Variants in TENM3 observed in about 807,000 individuals in gnomAD.
TENM3 encodes teneurin-3.
TENM3 carries 63 observed loss-of-function variants against 255.1 expected under a neutral mutation model. The ratio of observed to expected loss-of-function variants is 0.25; its 90% CI spans 0.20 to 0.30. TENM3 has a LOEUF of 0.30. TENM3 is among the 10% of genes least tolerant of loss of function. The probability of loss-of-function intolerance (pLI) is 1.00; values close to 1 mark genes in which losing one functional copy is unlikely to be tolerated. For synonymous variants in TENM3, 1,306 were observed against 1,322.3 expected, an observed-to-expected ratio of 0.99 and a Z score of 0.27; for missense variants, 2,929 against 3,461.1, an observed-to-expected ratio of 0.85 and a Z score of 3.86.
At chr4:182,244,097 G>A (rs1283779914) in intron 1 of TENM3, among the ~76,000 whole-genome samples, 1 of 151,676 alleles carries the variant, frequency 6.6e-6, no homozygotes, top group Non-Finnish European at 1.5e-5. Context: ...GGGACTACAG[G>A]CGCCCGCCAC....
the TENM3 span, among the ~76,000 whole-genome samples, chr4:181,728,156 C>T: frequency 7.2e-5 from 11 of 151,972 alleles, no homozygotes; most frequent in Non-Finnish European, 1.2e-4. Context: ...TTAATGAAAA[C>T]GATTATTTCT....
intron 1 of TENM3, among the ~76,000 whole-genome samples, chr4:182,214,094 G>T (rs1348131987): frequency 2.6e-5 from 4 of 151,770 alleles, no homozygotes; most frequent in Non-Finnish European, 2.9e-5. Flanking sequence ...GAACCACCGC[G>T]CCTAGCCAGA....
intron 3 of TENM3, among the ~76,000 whole-genome samples, chr4:182,411,416 G>A (rs1317387034): frequency 6.6e-6 from 1 of 152,162 alleles, no homozygotes; most frequent in Non-Finnish European, 1.5e-5. Flanking sequence ...GAGGACCCAA[G>A]AGGTTCTTAG....
the TENM3 span, among the ~76,000 whole-genome samples, chr4:181,880,792 A>C: frequency 6.6e-6 from 1 of 152,168 alleles, no homozygotes; most frequent in African/African-American, 2.4e-5. Context: ...ATTCCAGTTC[A>C]CCTGGCAAAT....
the TENM3 span, among the ~76,000 whole-genome samples, chr4:181,656,863 T>G: frequency 6.6e-6 from 1 of 152,210 alleles, no homozygotes; most frequent in African/African-American, 2.4e-5. Flanking sequence ...CTAAAATAGA[T>G]TTGAGCTTAG....
At chr4:181,504,283 C>G in the TENM3 span, among the ~76,000 whole-genome samples, 2 of 152,212 alleles carry the variant, frequency 1.3e-5, no homozygotes, top group Non-Finnish European at 2.9e-5. Context: ...TCCGCGTAAG[C>G]CACAGCTCAC....
At chr4:182,742,659 T>A (rs1761696875) in intron 18 of TENM3, among the ~76,000 whole-genome samples, 1 of 152,220 alleles carries the variant, frequency 6.6e-6, no homozygotes, top group South Asian at 2.1e-4. Context: ...TCAATATTGA[T>A]TAACAATGAG....
intron 16 of TENM3, among the ~76,000 whole-genome samples, chr4:182,734,362 A>T (rs1234533223): frequency 6.6e-6 from 1 of 152,196 alleles, no homozygotes; most frequent in Non-Finnish European, 1.5e-5. Flanking sequence ...GGAGACCTTG[A>T]ATTCCTTAGG....
At chr4:181,999,553 C>A in the TENM3 span, among the ~76,000 whole-genome samples, 3 of 152,156 alleles carry the variant, frequency 2.0e-5, no homozygotes, top group Admixed American at 6.5e-5. Context: ...AAGTTAGTGT[C>A]ATAACATTCC....
intron 1 of TENM3, among the ~76,000 whole-genome samples, chr4:182,161,804 C>CACATATATATGTGTATATATAT (rs2149642733): frequency 5.8e-5 from 1 of 17,350 alleles, no homozygotes; most frequent in East Asian, 9.2e-4. Flanking sequence ...TATATATATA[C>CACATATATATGTGTATATATAT]ACATATATAT....
Position 182,789,193 on chromosome 4 carries a change from A to C in TENM3, c.5405A>C (p.Asp1802Ala), listed in dbSNP as rs1561255577. ...AAATTTCTACTGAGGATCGCCTACGACACGTCTGGGCACCCGACTCTCTGG... is the reference window on the plus strand; with the variant it reads ...AAATTTCTACTGAGGATCGCCTACGCCACGTCTGGGCACCCGACTCTCTGG... ...HRKFLLRIAY[D>A]TSGHPTLWLP... The change falls in exon 25 of 28, where the codon GAC (aspartate) becomes GCC (alanine). Residue 1802 changes from aspartate (D) to alanine (A), a missense_variant. By Grantham distance (126) the Asp-to-Ala change is moderately radical. Coordinates refer to ENST00000511685, the MANE Select transcript of TENM3 (RefSeq NM_001080477.4). This position sits in a 1 kb window ranked among gnomAD's most constrained non-coding sequence, Gnocchi z 4.4. 6.2e-7 allele frequency: 1 copy of C among 1,613,166 alleles called. No homozygotes were observed. The highest frequency in any genetic ancestry group is 8.5e-7 in the Non-Finnish European group (1 of 1,179,558).
chr4:181,519,994 T>G, the TENM3 span, among the ~76,000 whole-genome samples: 2 of 152,202 alleles, frequency 1.3e-5, no homozygotes, highest in Non-Finnish European at 2.9e-5. Flanking sequence ...TCCCAATATT[T>G]GCAGCAAAAA....
chr4:182,520,902 G>A (rs991942445), intron 3 of TENM3, among the ~76,000 whole-genome samples: 3 of 151,958 alleles, frequency 2.0e-5, no homozygotes, highest in Non-Finnish European at 4.4e-5. Flanking sequence ...GAATTCCCTT[G>A]CCGTTGCAGC....
intron 3 of TENM3, among the ~76,000 whole-genome samples, chr4:182,449,237 C>CCGGAGCTGGTGGCTCCGCTT (rs758941265): frequency 6.7e-6 from 1 of 149,490 alleles, no homozygotes; most frequent in Non-Finnish European, 1.5e-5. Flanking sequence ...CGGCTCCGCT[C>CCGGAGCTGGTGGCTCCGCTT]TTCTCCCTTG....
the TENM3 span, among the ~76,000 whole-genome samples, chr4:181,491,281 T>C: frequency 1.3e-5 from 2 of 152,048 alleles, no homozygotes; most frequent in Non-Finnish European, 1.5e-5. Context: ...TTTGTAAATA[T>C]AAGTAAAAGC....
chr4:181,977,656 T>C, the TENM3 span, among the ~76,000 whole-genome samples: 3 of 152,126 alleles, frequency 2.0e-5, no homozygotes, highest in Non-Finnish European at 2.9e-5. Flanking sequence ...GGGTCTAAGA[T>C]AGGGGAAGAC....
chr4:181,810,715 T>C, the TENM3 span, among the ~76,000 whole-genome samples: 23 of 152,128 alleles, frequency 1.5e-4, no homozygotes, highest in Non-Finnish European at 2.5e-4. Context: ...GACAGAATTA[T>C]GCCAGTGGCA....
At chr4:182,794,240 T>A (rs888991532) in intron 26 of TENM3, among the ~76,000 whole-genome samples, 1 of 152,182 alleles carries the variant, frequency 6.6e-6, no homozygotes, top group Non-Finnish European at 1.5e-5. Context: ...TGTAGCTCTG[T>A]AAGCAAGCCA....
rs756770457 is a variant in TENM3 at position 182,681,948 on chromosome 4, A to G, written c.1969A>G (p.Thr657Ala). 1.9e-6 allele frequency: 3 copies of G among 1,614,026 alleles called. No individual in the cohort carries two copies. Among genetic ancestry groups the G allele is most frequent in the East Asian group, 2.2e-5 (1 of 44,886 alleles). ...MCPDQCSGHG[T>A]YLQESGSCTC... ...TCCAGACCAGTGCTCCGGCCACGGA[A>G]CGTATCTTCAAGAAAGTGGCTCCTG... Residue 657 changes from threonine (T) to alanine (A), a missense_variant, in exon 11 of 28, where the codon ACG (threonine) becomes GCG (alanine). Thr to Ala is a moderately conservative substitution (Grantham distance 58, BLOSUM62 0). Transcript: ENST00000511685.
Sources: allele counts gnomAD v4.1 joint callset (sites outside exome capture counted in the v4.1 genomes callset), GRCh38; gene constraint gnomAD v4.1.1; non-coding constraint Gnocchi (gnomAD v3.1); transcripts MANE v1.5; gene names NCBI Gene and HGNC (gene_info 2026-07-23, HGNC 2026-07-21).